Variants in DNAH11 observed in about 807,000 individuals in gnomAD.
DNAH11 encodes axonemal beta dynein heavy chain 11.
In DNAH11, 442 loss-of-function variants were observed where a neutral mutation model predicts 526.0. The observed-to-expected ratio is 0.84, with a 90% CI of 0.78 to 0.91. The LOEUF is 0.91. Ranked by LOEUF, DNAH11 falls within the 40% of genes least tolerant of loss-of-function variation. The pLI is 0.00. For missense variants in DNAH11, 6,989 were observed against 5,448.7 expected (o/e 1.28, Z -8.90); for synonymous variants, 2,461 against 1,935.9 (o/e 1.27, Z -7.12).
intron 28 of DNAH11, among the ~76,000 whole-genome samples, chr7:21,645,558 A>G (rs1250690355): frequency 1.3e-5 from 2 of 152,164 alleles, no homozygotes; most frequent in African/African-American, 4.8e-5. Flanking sequence ...GAAATAAAAT[A>G]AAACTGGAAC....
intron 55 of DNAH11, among the ~76,000 whole-genome samples, chr7:21,771,137 C>G (rs1490992209): frequency 6.6e-6 from 1 of 152,116 alleles, no homozygotes; most frequent in Non-Finnish European, 1.5e-5. Flanking sequence ...ACAAAATTGT[C>G]CCAAGTTACA....
intron 55 of DNAH11, among the ~76,000 whole-genome samples, chr7:21,769,405 G>A (rs1583675378): frequency 6.6e-6 from 1 of 152,116 alleles, no homozygotes; most frequent in Non-Finnish European, 1.5e-5. Flanking sequence ...CTTACCAGAA[G>A]CAGCCACACC....
Position 21,570,098 on chromosome 7 carries a change from T to G in DNAH11, c.1224T>G (p.Leu408=). The G allele has an allele frequency of 6.2e-7, 1 of 1,611,354 alleles. No individual in the cohort carries two copies. Among genetic ancestry groups the G allele is most frequent in the Non-Finnish European group, 8.5e-7 (1 of 1,178,660 alleles). The stretch of plus-strand genomic sequence containing the variant: ...CAGCTTACCTTTCACCTGAGGACCT[T>G]TTGAGGGGAGAAATAGAAGAGTCAC... ...QATAYLSPED[L]LRGEIEESLE... The change falls in exon 7 of 82, where the codon CTT becomes CTG. Residue 408 remains leucine (L), a synonymous_variant. Transcript: ENST00000409508.
At chr7:21,610,565 G>C (rs1172700638) in intron 20 of DNAH11, among the ~76,000 whole-genome samples, 1 of 152,080 alleles carries the variant, frequency 6.6e-6, no homozygotes, top group Non-Finnish European at 1.5e-5. Context: ...CACGGATAGA[G>C]ATGCATGCAA....
At chr7:21,710,794 C>T in intron 41 of DNAH11, 91 bp downstream of exon 41, 2 of 1,272,296 alleles carry the variant, frequency 1.6e-6, no homozygotes, top group Non-Finnish European at 2.1e-6. Context: ...CTAGTTTTTG[C>T]TCATTAACCT....
intron 61 of DNAH11, among the ~76,000 whole-genome samples, chr7:21,789,769 C>CTT (rs1472132914): frequency 3.3e-5 from 2 of 59,932 alleles, no homozygotes; most frequent in African/African-American, 1.0e-4. Context: ...TTCTCTCTTT[C>CTT]TTTCTTTCTT....
chr7:21,641,444 A>G (rs1787128320), intron 28 of DNAH11, among the ~76,000 whole-genome samples: 1 of 152,124 alleles, frequency 6.6e-6, no homozygotes, highest in Admixed American at 6.5e-5. Flanking sequence ...CAAACCCTGG[A>G]AGGACTAACT....
At chr7:21,803,487 C>T (rs1051618182) in intron 62 of DNAH11, among the ~76,000 whole-genome samples, 7 of 152,068 alleles carry the variant, frequency 4.6e-5, no homozygotes, top group Non-Finnish European at 1.0e-4. Flanking sequence ...CTGGGGTTTT[C>T]TCCTTTTATG....
intron 65 of DNAH11, among the ~76,000 whole-genome samples, chr7:21,830,966 G>A (rs1045972488): frequency 4.6e-5 from 7 of 152,160 alleles, no homozygotes; most frequent in South Asian, 2.1e-4. Flanking sequence ...AGAGACAGAG[G>A]AGGAGCTCAC....
In DNAH11 at chr7:21,571,917, G is replaced by GA; in HGVS notation, c.1539dup (p.Leu514ThrfsTer3). 6.2e-7 allele frequency: 1 copy of GA among 1,611,496 alleles called. No homozygotes were observed. Among genetic ancestry groups the GA allele is most frequent in the Non-Finnish European group, 8.5e-7 (1 of 1,178,936 alleles). ...CCACGAGATGAGTGAAGAACTTATG[G>GA]AACTCTGTAAACTTTTTAAACAGAG... On this transcript the variant is annotated frameshift_variant, in exon 8 of 82. Transcript: ENST00000409508. LOFTEE classifies it high-confidence loss of function.
At chr7:21,780,989 G>A (rs1787919197) in intron 57 of DNAH11, among the ~76,000 whole-genome samples, 1 of 152,160 alleles carries the variant, frequency 6.6e-6, no homozygotes, top group Admixed American at 6.6e-5. Flanking sequence ...ATGGTGGGAA[G>A]GAACTATTGT....
intron 61 of DNAH11, among the ~76,000 whole-genome samples, chr7:21,799,728 T>G (rs1788885652): frequency 6.6e-6 from 1 of 152,238 alleles, no homozygotes; most frequent in Non-Finnish European, 1.5e-5. Flanking sequence ...TTAAATTTGA[T>G]GTATATACAT....
At chr7:21,646,286 A>G (rs1239809695) in intron 28 of DNAH11, among the ~76,000 whole-genome samples, 1 of 152,210 alleles carries the variant, frequency 6.6e-6, no homozygotes, top group African/African-American at 2.4e-5. Flanking sequence ...CTTGCCTGAA[A>G]CAATGAAAAA....
chr7:21,852,554 G>A lies in DNAH11; in HGVS notation c.10984G>A (p.Gly3662Arg). 3 of 1,612,846 alleles carry A rather than the reference G, an allele frequency of 1.9e-6. No individual in the cohort carries two copies. Among genetic ancestry groups the A allele is most frequent in the Non-Finnish European group, 8.5e-7 (1 of 1,179,596 alleles). Residue 3662 changes from glycine (G) to arginine (R), a missense_variant, in exon 67 of 82, where the codon GGA becomes AGA. Physicochemically the swap from Gly to Arg is moderately radical, Grantham distance 125. Transcript: ENST00000409508. Reference protein sequence around the residue: ...DLLLRLSAAEGSFLDDTKLVE... With the variant: ...DLLLRLSAAERSFLDDTKLVE... ...CCTTTTGCGCCTTTCTGCGGCAGAG[G>A]GAAGCTTTCTGGATGACACCAAACT...
intron 6 of DNAH11, among the ~76,000 whole-genome samples, chr7:21,567,232 A>G (rs531748275): frequency 2.0e-5 from 3 of 152,170 alleles, no homozygotes; most frequent in Non-Finnish European, 4.4e-5. Flanking sequence ...TAGTGGTAAC[A>G]TGTTTTTAAA....
chr7:21,562,474 G>A (rs1028937936), intron 5 of DNAH11, among the ~76,000 whole-genome samples: 10 of 152,020 alleles, frequency 6.6e-5, no homozygotes, highest in Non-Finnish European at 1.3e-4. Flanking sequence ...GTTAGCATAA[G>A]ATGAAAATTT....
At chr7:21,630,407 G>A (rs979828124) in intron 25 of DNAH11, among the ~76,000 whole-genome samples, 1 of 152,174 alleles carries the variant, frequency 6.6e-6, no homozygotes, top group Non-Finnish European at 1.5e-5. Context: ...AATTTTACCA[G>A]TGGGTTTTAT....
chr7:21,639,194 T>G, intron 28 of DNAH11, 129 bp downstream of exon 28: 1 of 1,151,076 alleles, frequency 8.7e-7, no homozygotes, highest in Admixed American at 3.0e-5. Flanking sequence ...AGTTAAAATT[T>G]GTAATGTAGC....
chr7:21,578,126 T>G (rs2128439619), intron 8 of DNAH11, among the ~76,000 whole-genome samples: 1 of 152,264 alleles, frequency 6.6e-6, no homozygotes, highest in South Asian at 2.1e-4. Flanking sequence ...GCCACATACT[T>G]TTAAACCATC....
Sources: allele counts gnomAD v4.1 joint callset (sites outside exome capture counted in the v4.1 genomes callset), GRCh38; gene constraint gnomAD v4.1.1; transcripts MANE v1.5; gene names NCBI Gene and HGNC (gene_info 2026-07-23, HGNC 2026-07-21).